The following FA2H variants were observed in gnomAD, a reference collection of about 807,000 sequenced individuals.
FA2H encodes the protein fatty acid 2-hydroxylase.
A neutral mutation model predicts 44.9 loss-of-function variants in FA2H; 22 were observed. The ratio of observed to expected loss-of-function variants is 0.49; its 90% confidence interval spans 0.35 to 0.70. The LOEUF (loss-of-function observed/expected upper bound fraction) is 0.70. Among genes scored for constraint, FA2H ranks in the 30% least tolerant of loss-of-function variants. The pLI, the probability that FA2H is intolerant of heterozygous loss-of-function variation, is 0.01. For synonymous variants in FA2H, 243 were observed against 213.2 expected (o/e 1.14, Z -1.22); for missense variants, 501 against 504.9 (o/e 0.99, Z 0.07).
intron 1 of FA2H, among the ~76,000 whole-genome samples, chr16:74,741,836 GTA>G (rs1362720184): frequency 1.0e-3 from 72 of 70,652 alleles, no homozygotes; most frequent in South Asian, 3.8e-3. Flanking sequence ...GTGTGTGTGT[GTA>G]TGTGTGTGTA....
At chr16:74,740,671 A>T (rs1187803985) in intron 1 of FA2H, among the ~76,000 whole-genome samples, 2 of 135,810 alleles carry the variant, frequency 1.5e-5, no homozygotes, top group South Asian at 2.4e-4. Context: ...ATAATAATAA[A>T]ATTTCTGCAT....
At chr16:74,749,923 C>G (rs1428951387) in intron 1 of FA2H, among the ~76,000 whole-genome samples, 1 of 152,186 alleles carries the variant, frequency 6.6e-6, no homozygotes, top group Non-Finnish European at 1.5e-5. Flanking sequence ...GGGAAAGTCT[C>G]CGTGCTGGGA....
At chr16:74,715,620 G>T (rs1188110227) in intron 6 of FA2H, among the ~76,000 whole-genome samples, 4 of 152,214 alleles carry the variant, frequency 2.6e-5, no homozygotes, top group African/African-American at 9.6e-5. Flanking sequence ...TTGATTACAT[G>T]TTGAAATAAT....
chr16:74,749,055 G>T (rs1365443775), intron 1 of FA2H, among the ~76,000 whole-genome samples: 1 of 152,164 alleles, frequency 6.6e-6, no homozygotes, highest in South Asian at 2.1e-4. Flanking sequence ...TGGTGCCAAG[G>T]CTGTTCCAAG....
rs991525210 is a variant in FA2H at position 74,713,931 on chromosome 16, G to C, written c.*259C>G. 2 of 520,772 alleles carry C rather than the reference G, an allele frequency of 3.8e-6. No homozygotes were observed. The highest frequency in any genetic ancestry group is 1.9e-5 in the African/African-American group (1 of 52,358). The allele number at this position is 520,772 out of a possible 1,614,324, so 32.3% of individuals were successfully genotyped here. On this transcript the variant is annotated 3_prime_UTR_variant, in exon 7 of 7. Transcript: ENST00000219368. ...ACGGCCTGAAGCAGTCCTGTGGGCT[G>C]AGCTCTAGGCAGGGACGCTCCAGGA...
intron 1 of FA2H, among the ~76,000 whole-genome samples, chr16:74,773,903 A>C (rs910479240): frequency 2.0e-5 from 3 of 152,164 alleles, no homozygotes; most frequent in African/African-American, 4.8e-5. Flanking sequence ...TAGGACAAGA[A>C]TATAAGGGAA....
intron 1 of FA2H, among the ~76,000 whole-genome samples, chr16:74,759,993 G>T (rs118008897): frequency 6.6e-6 from 1 of 152,176 alleles, no homozygotes; most frequent in East Asian, 1.9e-4. Flanking sequence ...AGGACAAAGG[G>T]ACAAGAACCT....
intron 1 of FA2H, among the ~76,000 whole-genome samples, chr16:74,755,636 T>C (rs1962598120): frequency 6.6e-6 from 1 of 152,180 alleles, no homozygotes; most frequent in Non-Finnish European, 1.5e-5. Context: ...CAACATTTTG[T>C]TAGGAAAATT....
At chr16:74,748,932 G>GC (rs1276705613) in intron 1 of FA2H, among the ~76,000 whole-genome samples, 5 of 152,170 alleles carry the variant, frequency 3.3e-5, no homozygotes. Flanking sequence ...GGGTCCAGCT[G>GC]CCCCCACCCC....
intron 4 of FA2H, 149 bp from the exon 5 acceptor site, chr16:74,719,309 A>G (rs1057169685): frequency 1.5e-6 from 1 of 688,270 alleles, no homozygotes; most frequent in African/African-American, 1.8e-5. Flanking sequence ...GGGGTCCTTG[A>G]GTCAAAATGG....
intron 5 of FA2H, 148 bp from the exon 6 acceptor site, chr16:74,716,747 C>T (rs1173770905): frequency 1.0e-5 from 8 of 791,842 alleles, no homozygotes; most frequent in East Asian, 2.8e-5. Context: ...TTGGGGAGGG[C>T]GGGCCACCAC....
At chr16:74,738,798 C>A (rs984236636) in intron 2 of FA2H, among the ~76,000 whole-genome samples, 7 of 152,210 alleles carry the variant, frequency 4.6e-5, no homozygotes, top group African/African-American at 1.7e-4. Flanking sequence ...AGGGCCCAAG[C>A]TGGGGGTTGA....
At chr16:74,732,073 G>A (rs1403715026) in intron 2 of FA2H, among the ~76,000 whole-genome samples, 2 of 151,858 alleles carry the variant, frequency 1.3e-5, no homozygotes, top group African/African-American at 2.4e-5. Flanking sequence ...TTTTAGAGAC[G>A]AAGTATCACT....
chr16:74,737,727 T>G (rs1368612701), intron 2 of FA2H, among the ~76,000 whole-genome samples: 2 of 152,116 alleles, frequency 1.3e-5, no homozygotes, highest in Non-Finnish European at 2.9e-5. Flanking sequence ...CAGCAAGCCC[T>G]TCTGCCCCAG....
At chr16:74,767,744 T>C (rs938019826) in intron 1 of FA2H, among the ~76,000 whole-genome samples, 17 of 152,372 alleles carry the variant, frequency 1.1e-4, no homozygotes, top group African/African-American at 3.4e-4. Flanking sequence ...ATTCATTTTT[T>C]ACTTTGGAAC....
chr16:74,748,638 T>A (rs1286785919), intron 1 of FA2H, among the ~76,000 whole-genome samples: 1 of 152,048 alleles, frequency 6.6e-6, no homozygotes, highest in Non-Finnish European at 1.5e-5. Flanking sequence ...GACCCTGTCC[T>A]CCCTAGAGAG....
At chr16:74,765,239 C>A (rs1310473619) in intron 1 of FA2H, among the ~76,000 whole-genome samples, 1 of 151,978 alleles carries the variant, frequency 6.6e-6, no homozygotes, top group African/African-American at 2.4e-5. Context: ...TCACTGCAAC[C>A]TCCGCCTCCT....
intron 1 of FA2H, 22 bp downstream of exon 1, chr16:74,774,464 G>T (rs1048415235): frequency 6.0e-6 from 9 of 1,498,964 alleles, no homozygotes; most frequent in Non-Finnish European, 8.0e-6. Flanking sequence ...GGTTGGGGTG[G>T]GGGGCCCCGG....
intron 5 of FA2H, 133 bp from the exon 6 acceptor site, chr16:74,716,732 T>C (rs1027603627): frequency 2.8e-5 from 30 of 1,075,984 alleles, no homozygotes; most frequent in Admixed American, 5.7e-5. Context: ...GCACCTTTGG[T>C]GGCTTTGGGG....
Sources: gnomAD v4.1 joint callset for allele counts (sites outside exome capture counted in the v4.1 genomes callset) on GRCh38, gnomAD v4.1.1 for gene constraint, MANE v1.5 for transcripts, NCBI Gene and HGNC (gene_info 2026-07-23, HGNC 2026-07-21) for gene names.